The following VRTN variants were observed in gnomAD, a reference collection of about 807,000 sequenced individuals.
VRTN encodes the protein vertebrae development associated, also known as vertnin.
VRTN carries 5 observed loss-of-function variants against 18.2 expected under a neutral mutation model. That is an observed-to-expected ratio of 0.27 (90% CI 0.14 to 0.58). The LOEUF is 0.58. VRTN is among the 20% of genes least tolerant of loss of function. The probability of loss-of-function intolerance (pLI) is 0.91; values close to 1 mark genes in which losing one functional copy is unlikely to be tolerated. For missense variants in VRTN, 741 were observed against 939.4 expected, an observed-to-expected ratio of 0.79 and a Z score of 2.76; for synonymous variants, 381 against 393.7, an observed-to-expected ratio of 0.97 and a Z score of 0.38.
chr14:74,338,271 T>C (rs1038213279), intron 2 of VRTN, among the ~76,000 whole-genome samples: 5 of 152,190 alleles, frequency 3.3e-5, no homozygotes, highest in South Asian at 2.1e-4. Context: ...CCATGAATAA[T>C]GTTAGATTGG....
At chr14:74,332,188 C>CTATCTA (rs2085530506) in intron 1 of VRTN, among the ~76,000 whole-genome samples, 1 of 151,940 alleles carries the variant, frequency 6.6e-6, no homozygotes, top group Admixed American at 6.6e-5. Flanking sequence ...ACAGAGGACC[C>CTATCTA]CTCCCAAACC....
chr14:74,322,398 C>T (rs908839415), intron 1 of VRTN, among the ~76,000 whole-genome samples: 3 of 152,144 alleles, frequency 2.0e-5, no homozygotes, highest in African/African-American at 7.2e-5. Context: ...GATTGTCCCT[C>T]CTCAGCCTCC....
Position 74,358,688 on chromosome 14 carries a change from C to T in VRTN, c.1905C>T (p.Gly635=), listed in dbSNP as rs142390663. Residue 635 remains glycine, a synonymous_variant, in exon 2 of 2, where the codon GGC becomes GGT. Coordinates refer to ENST00000256362, the MANE Select transcript of VRTN (RefSeq NM_018228.3). This position sits in a 1 kb window ranked among gnomAD's most constrained non-coding sequence, Gnocchi z 5.4. ...AACCTGTGGTGGCAGCAGCGGGTGG[C>T]AGGGATGGCCGGATGCTGGTGATGG... ...LSQPVVAAAG[G]RDGRMLVMDM... 3.8e-5 allele frequency: 62 copies of T among 1,613,742 alleles called. No homozygotes were observed. In the Middle Eastern group the frequency reaches 5.0e-4, roughly 13 times the overall value.
chr14:74,358,486 G>T lies in VRTN; in HGVS notation c.1703G>T (p.Gly568Val), dbSNP rs756524090. 2.5e-6 allele frequency: 4 copies of T among 1,614,148 alleles called. No homozygotes were observed. Among genetic ancestry groups the T allele is most frequent in the Middle Eastern group, 1.7e-4 (1 of 6,052 alleles). ...LQVPVPTLGKGGQEAEEKQEK... is the reference protein window; with the variant it reads ...LQVPVPTLGKVGQEAEEKQEK... ...GTGCCGGTCCCCACCTTGGGCAAAG[G>T]GGGGCAGGAGGCTGAGGAGAAGCAG... The change falls in exon 2 of 2, where the codon GGG (glycine) becomes GTG (valine). Residue 568 changes from glycine to valine, a missense_variant. Gly to Val is a moderately radical substitution (Grantham distance 109). Around this residue, in one of 3 missense-constraint regions of VRTN, gnomAD observed 494 missense variants for 546.5 expected, o/e 0.90. Coordinates refer to ENST00000256362, the MANE Select transcript of VRTN (RefSeq NM_018228.3). The surrounding 1 kb of genome is among the most constrained non-coding windows in gnomAD (Gnocchi z 5.4).
intron 1 of VRTN, among the ~76,000 whole-genome samples, chr14:74,323,334 A>T (rs1043610407): frequency 3.3e-5 from 5 of 152,080 alleles, no homozygotes; most frequent in African/African-American, 1.2e-4. Context: ...CTGTAATCCC[A>T]GCACTTTGGG....
intron 1 of VRTN, among the ~76,000 whole-genome samples, chr14:74,315,265 T>G (rs1030105393): frequency 6.6e-6 from 1 of 152,128 alleles, no homozygotes; most frequent in East Asian, 1.9e-4. Flanking sequence ...CCAGGCTGGC[T>G]TGTAGCGGTG....
intron 1 of VRTN, among the ~76,000 whole-genome samples, chr14:74,310,988 G>A (rs539552988): frequency 1.6e-4 from 24 of 152,208 alleles, no homozygotes; most frequent in African/African-American, 5.8e-4. Context: ...ACTGCACCTA[G>A]CCTCAGTTTT....
intron 1 of VRTN, among the ~76,000 whole-genome samples, chr14:74,334,684 T>C (rs56277025): frequency 0.034 from 5,166 of 152,290 alleles, 156 homozygotes; most frequent in African/African-American, 0.076. Flanking sequence ...TATTTCTTTA[T>C]AAATGATATG....
upstream of VRTN, among the ~76,000 whole-genome samples, chr14:74,344,040 CA>C (rs1203569436): frequency 6.6e-6 from 1 of 150,794 alleles, no homozygotes; most frequent in Non-Finnish European, 1.5e-5. Context: ...TCAAGTAATC[CA>C]CCTGCCTCAG....
intron 1 of VRTN, among the ~76,000 whole-genome samples, chr14:74,336,263 T>C (rs1318481514): frequency 6.6e-6 from 1 of 151,736 alleles, no homozygotes; most frequent in Non-Finnish European, 1.5e-5. Context: ...CAAAATTAGC[T>C]GGGCATGGTG....
chr14:74,354,638 C>T (rs1214723755), intron 1 of VRTN, among the ~76,000 whole-genome samples: 1 of 151,934 alleles, frequency 6.6e-6, no homozygotes. Flanking sequence ...CTCCTGAGCT[C>T]GTGGTCCGCC....
At position 74,307,532 on chromosome 14, in the gene VRTN, A is replaced by G. The variant is rs538489167; in HGVS notation, c.-164+4356A>G. Among the ~76,000 whole-genome samples the G allele has an allele frequency of 8.5e-5, 13 of 152,266 alleles. No individual in the cohort carries two copies. In the East Asian group the frequency reaches 2.5e-3, roughly 29 times the overall value. On this transcript the variant is annotated intron_variant, in intron 1 of 2. Transcript: ENST00000557177. ...TTCAATTCAGCTTTCACAATAAAAA[A>G]GAGTGTATTGCATTGAACAAAAAAA...
intron 1 of VRTN, among the ~76,000 whole-genome samples, chr14:74,333,255 T>G (rs543070575): frequency 6.6e-6 from 1 of 151,966 alleles, no homozygotes; most frequent in East Asian, 2.0e-4. Flanking sequence ...TGGTGGCATG[T>G]GCCTGTAATC....
intron 1 of VRTN, among the ~76,000 whole-genome samples, chr14:74,351,503 T>G (rs1258341135): frequency 2.7e-5 from 4 of 148,874 alleles, no homozygotes; most frequent in South Asian, 2.2e-4. Context: ...AGGTTTTTTT[T>G]TTTTTTTTTT....
chr14:74,314,243 C>T (rs966976180), intron 1 of VRTN, among the ~76,000 whole-genome samples: 11 of 152,056 alleles, frequency 7.2e-5, no homozygotes, highest in African/African-American at 9.6e-5. Context: ...GCTATCTTCC[C>T]GCCTCAGCCT....
chr14:74,326,215 T>C (rs1292006654), intron 1 of VRTN, among the ~76,000 whole-genome samples: 5 of 152,068 alleles, frequency 3.3e-5, no homozygotes, highest in Non-Finnish European at 4.4e-5. Context: ...GAGAAGGCCC[T>C]GGAAGCTGTG....
chr14:74,351,532 A>T (rs564351272), intron 1 of VRTN, among the ~76,000 whole-genome samples: 20 of 122,832 alleles, frequency 1.6e-4, no homozygotes, highest in African/African-American at 6.6e-4. Flanking sequence ...AGACAGTCTC[A>T]CTCTGACACC....
upstream of VRTN, among the ~76,000 whole-genome samples, chr14:74,344,817 G>T (rs982482643): frequency 2.0e-5 from 3 of 150,942 alleles, no homozygotes; most frequent in Non-Finnish European, 2.9e-5. Context: ...AGTGGCTCTG[G>T]ATAAAAAAAT....
rs759797313 is a variant in VRTN, at chr14:74,325,788, A to G, written c.-163-11935A>G. 7.9e-5 allele frequency among the ~76,000 whole-genome samples: 12 copies of G among 152,188 alleles called. 1 individual carries two copies. The highest frequency in any genetic ancestry group is 5.9e-4 in the Admixed American group (9 of 15,272). ...CTGTTTCAAAATAAAAAAAGAAAAA[A>G]AGAGGAAAGAAATATTAATACATAA... On this transcript the variant is annotated intron_variant, in intron 1 of 2. Coordinates refer to the VRTN transcript ENST00000557177.
Sources: gnomAD v4.1 joint callset for allele counts (sites outside exome capture counted in the v4.1 genomes callset) on GRCh38, gnomAD v4.1.1 for gene constraint, gnomAD v4.1.1 regional missense constraint, Gnocchi (gnomAD v3.1) non-coding constraint, MANE v1.5 for transcripts, NCBI Gene and HGNC (gene_info 2026-07-23, HGNC 2026-07-21) for gene names.